Variants in MRPS27 observed in about 807,000 individuals in gnomAD.
The protein encoded by MRPS27 is mitochondrial ribosomal protein S27, also known as small ribosomal subunit protein mS27.
A neutral mutation model predicts 48.9 loss-of-function variants in MRPS27; 43 were observed. The ratio of observed to expected loss-of-function variants is 0.88; its 90% confidence interval spans 0.69 to 1.13. The LOEUF (loss-of-function observed/expected upper bound fraction) is 1.13. Among genes scored for constraint, MRPS27 ranks in the 50% most tolerant of loss-of-function variants. MRPS27 has a pLI of 0.00. For synonymous variants in MRPS27, 188 were observed against 171.9 expected, an observed-to-expected ratio of 1.09 and a Z score of -0.73; for missense variants, 467 against 476.3, an observed-to-expected ratio of 0.98 and a Z score of 0.18.
intron 4 of MRPS27, among the ~76,000 whole-genome samples, chr5:72,257,879 T>G (rs1157552788): frequency 6.6e-6 from 1 of 151,890 alleles, no homozygotes; most frequent in African/African-American, 2.4e-5. Context: ...GGTCAGGAGT[T>G]TGAGACCAGC....
At chr5:72,288,030 A>C (rs1404972540) in intron 4 of MRPS27, among the ~76,000 whole-genome samples, 2 of 152,172 alleles carry the variant, frequency 1.3e-5, no homozygotes, top group Non-Finnish European at 2.9e-5. Context: ...AGCACACCAG[A>C]GGAATAAAAT....
chr5:72,274,808 T>C (rs1167917234), intron 4 of MRPS27, among the ~76,000 whole-genome samples: 1 of 152,196 alleles, frequency 6.6e-6, no homozygotes, highest in Non-Finnish European at 1.5e-5. Context: ...CGCTACAATG[T>C]CATTAAGTAA....
chr5:72,230,675 T>C (rs1196874473), intron 7 of MRPS27, among the ~76,000 whole-genome samples: 1 of 152,134 alleles, frequency 6.6e-6, no homozygotes. Flanking sequence ...GATCTTTCCA[T>C]TAAGCCCCCA....
intron 2 of MRPS27, among the ~76,000 whole-genome samples, chr5:72,312,001 G>T (rs895264687): frequency 2.0e-5 from 3 of 152,088 alleles, no homozygotes; most frequent in Non-Finnish European, 2.9e-5. Flanking sequence ...GCGTGGTGGC[G>T]TGCGGCTGTA....
intron 1 of MRPS27, among the ~76,000 whole-genome samples, chr5:72,314,911 G>C (rs1470867024): frequency 6.6e-6 from 1 of 152,112 alleles, no homozygotes; most frequent in African/African-American, 2.4e-5. Context: ...TTCACATAAA[G>C]CAAGGAGTAG....
At chr5:72,262,668 G>T (rs990945743) in intron 4 of MRPS27, among the ~76,000 whole-genome samples, 1 of 152,138 alleles carries the variant, frequency 6.6e-6, no homozygotes, top group Non-Finnish European at 1.5e-5. Context: ...CAGAAAAAAA[G>T]GGGGAGAGAG....
chr5:72,274,343 G>T (rs1308991627), intron 4 of MRPS27, among the ~76,000 whole-genome samples: 1 of 152,206 alleles, frequency 6.6e-6, no homozygotes, highest in East Asian at 1.9e-4. Context: ...GACAGAGTGA[G>T]ACTCTGTCTC....
At chr5:72,293,307 A>G (rs1210238840) in intron 4 of MRPS27, among the ~76,000 whole-genome samples, 1 of 151,844 alleles carries the variant, frequency 6.6e-6, no homozygotes, top group Admixed American at 6.6e-5. Context: ...AAAAAAAAAA[A>G]GCTGATAAAA....
chr5:72,229,718 T>C (rs1197301965), intron 7 of MRPS27, among the ~76,000 whole-genome samples: 1 of 152,064 alleles, frequency 6.6e-6, no homozygotes, highest in Non-Finnish European at 1.5e-5. Context: ...ACTGGGATGG[T>C]TATACTTCTA....
At chr5:72,225,935 A>G in intron 9 of MRPS27, 122 bp downstream of exon 9, 8 of 1,149,254 alleles carry the variant, frequency 7.0e-6, no homozygotes, top group Non-Finnish European at 9.4e-6. Flanking sequence ...CGACTTGATA[A>G]ATACCTATTC....
At chr5:72,255,695 C>T (rs1478749395) in intron 4 of MRPS27, among the ~76,000 whole-genome samples, 1 of 152,224 alleles carries the variant, frequency 6.6e-6, no homozygotes, top group African/African-American at 2.4e-5. Flanking sequence ...ATATTATCCA[C>T]ACTTTACAGA....
At chr5:72,239,683 AT>A (rs1748300541) in intron 4 of MRPS27, among the ~76,000 whole-genome samples, 1 of 151,874 alleles carries the variant, frequency 6.6e-6, no homozygotes, top group Non-Finnish European at 1.5e-5. Context: ...TTATTTTTTT[AT>A]TTTTATTTTT....
Position 72,223,775 on chromosome 5 carries a change from C to T in MRPS27, c.913G>A (p.Glu305Lys), listed in dbSNP as rs201174216. ...AGTTTTTCTGACCCCTGGTTGTCTT[C>T]ATCATTTTGGGACTGCTCCTCTGAA... The part of the protein sequence containing the change: ...GASEEQSQND[E>K]DNQGSEKLVE... Residue 305 changes from glutamate to lysine, a missense_variant, in exon 10 of 11, where the codon GAA (glutamate) becomes AAA (lysine). Transcript: ENST00000261413. 41 of 1,614,012 alleles carry T rather than the reference C, an allele frequency of 2.5e-5. No homozygotes were observed. In the East Asian group the frequency reaches 7.4e-4, roughly 29 times the overall value.
At chr5:72,286,691 C>T (rs1249732180) in intron 4 of MRPS27, among the ~76,000 whole-genome samples, 2 of 152,034 alleles carry the variant, frequency 1.3e-5, no homozygotes, top group Non-Finnish European at 2.9e-5. Context: ...TAAATGCAGT[C>T]TTTTTATGCC....
intron 4 of MRPS27, among the ~76,000 whole-genome samples, chr5:72,289,027 G>T (rs1749750770): frequency 6.6e-6 from 1 of 152,210 alleles, no homozygotes; most frequent in South Asian, 2.1e-4. Context: ...CATGAAAAAT[G>T]AAGCTATTTT....
At chr5:72,266,868 AAAG>A (rs907217759) in intron 4 of MRPS27, among the ~76,000 whole-genome samples, 2 of 152,136 alleles carry the variant, frequency 1.3e-5, no homozygotes, top group African/African-American at 4.8e-5. Flanking sequence ...TCAAAAAAAA[AAAG>A]AAGATGAAGC....
At chr5:72,231,527 G>A (rs1253406352) in intron 7 of MRPS27, among the ~76,000 whole-genome samples, 6 of 152,106 alleles carry the variant, frequency 3.9e-5, no homozygotes, top group East Asian at 1.9e-4. Context: ...AGCAGAAAAT[G>A]TTTGCTCACC....
At chr5:72,248,706 TAATAG>T (rs1748576563) in intron 4 of MRPS27, among the ~76,000 whole-genome samples, 1 of 91,318 alleles carries the variant, frequency 1.1e-5, no homozygotes. Context: ...CTTTGATGTA[TAATAG>T]TTAAATAGAT....
At chr5:72,292,349 C>A (rs1166027090) in intron 4 of MRPS27, among the ~76,000 whole-genome samples, 2 of 151,886 alleles carry the variant, frequency 1.3e-5, no homozygotes, top group South Asian at 2.1e-4. Flanking sequence ...AAAAGTTGAT[C>A]ATAGGATTGC....
Sources: gnomAD v4.1 joint callset for allele counts (sites outside exome capture counted in the v4.1 genomes callset) on GRCh38, gnomAD v4.1.1 for gene constraint, MANE v1.5 for transcripts, NCBI Gene and HGNC (gene_info 2026-07-23, HGNC 2026-07-21) for gene names.